The following HDAC9 variants were observed in gnomAD, a reference collection of about 807,000 sequenced individuals.
The protein encoded by HDAC9 is histone deacetylase 9.
In HDAC9, 41 loss-of-function variants were observed where a neutral mutation model predicts 139.4. The ratio of observed to expected loss-of-function variants is 0.29; its 90% CI spans 0.23 to 0.38. HDAC9 has a LOEUF of 0.38. HDAC9 is among the 10% of genes least tolerant of loss of function. The probability of loss-of-function intolerance (pLI) is 1.00; values close to 1 mark genes in which losing one functional copy is unlikely to be tolerated. For synonymous variants in HDAC9, 517 were observed against 476.2 expected, an observed-to-expected ratio of 1.09 and a Z score of -1.12; for missense variants, 1,147 against 1,297.0, an observed-to-expected ratio of 0.88 and a Z score of 1.78.
At chr7:18,313,825 A>G (rs1405299201) in intron 1 of HDAC9, among the ~76,000 whole-genome samples, 2 of 152,184 alleles carry the variant, frequency 1.3e-5, no homozygotes, top group Non-Finnish European at 2.9e-5. Context: ...CTTTTGTGCT[A>G]AGATTTTAAG....
chr7:18,878,108 T>A (rs369447904), intron 22 of HDAC9, among the ~76,000 whole-genome samples: 139 of 152,300 alleles, frequency 9.1e-4, no homozygotes, highest in African/African-American at 3.2e-3. Context: ...CAGGTTGCCA[T>A]GACAACTAAG....
At chr7:18,834,654 A>G (rs1202556734) in intron 19 of HDAC9, among the ~76,000 whole-genome samples, 3 of 152,136 alleles carry the variant, frequency 2.0e-5, no homozygotes, top group Non-Finnish European at 2.9e-5. Flanking sequence ...ATTGCATAAA[A>G]CCCCATGCCA....
At chr7:18,498,344 A>C (rs1403924041) in intron 2 of HDAC9, among the ~76,000 whole-genome samples, 1 of 152,040 alleles carries the variant, frequency 6.6e-6, no homozygotes, top group Non-Finnish European at 1.5e-5. Context: ...TTCCACTCCC[A>C]GAATGCCTGG....
intron 11 of HDAC9, among the ~76,000 whole-genome samples, chr7:18,653,102 G>T (rs942129250): frequency 1.3e-5 from 2 of 151,990 alleles, no homozygotes; most frequent in African/African-American, 4.8e-5. Flanking sequence ...GCCGGGCGTG[G>T]TGGTGCATGC....
intron 12 of HDAC9, among the ~76,000 whole-genome samples, chr7:18,726,648 T>C (rs918259681): frequency 9.2e-5 from 14 of 151,740 alleles, no homozygotes; most frequent in East Asian, 3.8e-4. Flanking sequence ...ATGTTGAAGA[T>C]AAAATATTCA....
At chr7:18,886,548 C>T (rs550618528) in intron 22 of HDAC9, among the ~76,000 whole-genome samples, 91 of 151,950 alleles carry the variant, frequency 6.0e-4, no homozygotes, top group Non-Finnish European at 3.2e-4. Flanking sequence ...TTTTAATTTT[C>T]ATAGTGGTAT....
In HDAC9 at chr7:18,352,685, C is replaced by T. The variant is rs143566997; in HGVS notation, c.-42+62170C>T. Among the ~76,000 whole-genome samples the T allele has an allele frequency of 3.9e-5, 6 of 152,092 alleles. No homozygotes were observed. In the East Asian group the frequency reaches 1.2e-3, roughly 29 times the overall value. On this transcript the variant is annotated intron_variant, in intron 1 of 3. Transcript: ENST00000413509. ...GTTATGATGGTTAGCATGCTAGATT[C>T]AGGGAAAATGACGGGAAATAGGACT... is the stretch of plus-strand genomic sequence containing the variant.
In HDAC9 at chr7:18,887,594, G is replaced by A. The variant is rs537680800; in HGVS notation, c.2803+12998G>A. 7.2e-5 allele frequency among the ~76,000 whole-genome samples: 11 copies of A among 152,154 alleles called. No individual in the cohort carries two copies. The South Asian group carries it at 1.2e-3, about 17-fold the overall frequency. The stretch of plus-strand genomic sequence containing the variant: ...AATGTGACACTCTACATATAATAAC[G>A]TATAAATGATATCATCCCCACGAAA... On this transcript the variant is annotated intron_variant, in intron 22 of 25. Transcript: ENST00000686413.
intron 22 of HDAC9, among the ~76,000 whole-genome samples, chr7:18,898,798 T>C (rs890819579): frequency 6.6e-6 from 1 of 151,978 alleles, no homozygotes; most frequent in African/African-American, 2.4e-5. Context: ...ATTGTCTATC[T>C]GATTGCATAG....
At chr7:18,146,859 C>T (rs559258459) in intron 1 of HDAC9, among the ~76,000 whole-genome samples, 1 of 152,078 alleles carries the variant, frequency 6.6e-6, no homozygotes, top group Non-Finnish European at 1.5e-5. Context: ...TTTTAATCCT[C>T]TCATAATGCC....
intron 2 of HDAC9, among the ~76,000 whole-genome samples, chr7:18,163,978 A>G (rs368460819): frequency 2.5e-4 from 38 of 152,160 alleles, no homozygotes; most frequent in African/African-American, 9.2e-4. Flanking sequence ...GCGAGTTGTG[A>G]TAATTGTTCA....
rs115166895 is a variant in HDAC9, at chr7:18,300,049, T to C, written c.-42+9534T>C. On this transcript the variant is annotated intron_variant, in intron 1 of 3. Transcript: ENST00000413509. ...ATACCACCACCCTAAAATTCAGGTCTTCCTCCCCTTACAGCAGCCTCTCTC... is the reference window on the plus strand; with the variant it reads ...ATACCACCACCCTAAAATTCAGGTCCTCCTCCCCTTACAGCAGCCTCTCTC... Among the ~76,000 whole-genome samples the C allele has an allele frequency of 5.7e-3, 866 of 152,284 alleles. 10 individuals carry two copies. The highest frequency in any genetic ancestry group is 0.02 in the African/African-American group (841 of 41,560).
At chr7:18,630,831 G>C (rs1270490736) in intron 7 of HDAC9, among the ~76,000 whole-genome samples, 1 of 152,062 alleles carries the variant, frequency 6.6e-6, no homozygotes, top group African/African-American at 2.4e-5. Context: ...GTGGGCAGTT[G>C]AGGAGTGAAT....
intron 21 of HDAC9, among the ~76,000 whole-genome samples, chr7:18,866,098 A>T (rs899227045): frequency 3.4e-5 from 5 of 148,582 alleles, no homozygotes; most frequent in African/African-American, 1.2e-4. Context: ...ACGAGATGCT[A>T]CATGAACTGG....
intron 6 of HDAC9, among the ~76,000 whole-genome samples, chr7:18,616,809 A>G (rs944672389): frequency 3.3e-5 from 5 of 152,186 alleles, no homozygotes; most frequent in African/African-American, 4.8e-5. Flanking sequence ...ACCCCTTGTC[A>G]GTGGTGCTGC....
chr7:18,903,838 T>G (rs1379485157), intron 22 of HDAC9, among the ~76,000 whole-genome samples: 1 of 152,222 alleles, frequency 6.6e-6, no homozygotes, highest in Non-Finnish European at 1.5e-5. Context: ...ATCTTTGTAG[T>G]CAAGCATGCT....
chr7:18,790,165 T>A (rs10231651), intron 16 of HDAC9, among the ~76,000 whole-genome samples: 34,032 of 152,064 alleles, frequency 0.22, 7,702 homozygotes, highest in African/African-American at 0.59. Context: ...CCCATTTGGA[T>A]CATCATGCCT....
chr7:18,704,276 C>G (rs980190363), intron 12 of HDAC9, among the ~76,000 whole-genome samples: 1 of 152,232 alleles, frequency 6.6e-6, no homozygotes, highest in Non-Finnish European at 1.5e-5. Flanking sequence ...TTTGCTTACA[C>G]ACTTCTTCCT....
At chr7:18,771,158 T>C (rs552382628) in intron 16 of HDAC9, among the ~76,000 whole-genome samples, 6 of 152,186 alleles carry the variant, frequency 3.9e-5, no homozygotes, top group African/African-American at 1.2e-4. Flanking sequence ...GTTGAAGATA[T>C]GCAAAAAGAG....
Sources: allele counts gnomAD v4.1 joint callset (sites outside exome capture counted in the v4.1 genomes callset), GRCh38; gene constraint gnomAD v4.1.1; transcripts MANE v1.5; gene names NCBI Gene and HGNC (gene_info 2026-07-23, HGNC 2026-07-21).